RGS6: variants seen among roughly 807,000 people sequenced by gnomAD.
RGS6 encodes the protein regulator of G protein signaling 6, also known as regulator of G-protein signaling 6.
A neutral mutation model predicts 78.5 loss-of-function variants in RGS6; 30 were observed. The ratio of observed to expected loss-of-function variants is 0.38; its 90% CI spans 0.29 to 0.52. The LOEUF (loss-of-function observed/expected upper bound fraction) is 0.52, where lower values mean the gene tolerates loss of function less well. Ranked by LOEUF, RGS6 falls within the 20% of genes least tolerant of loss-of-function variation. The pLI is 0.85. For missense variants in RGS6, 495 were observed against 609.7 expected, an observed-to-expected ratio of 0.81 and a Z score of 1.98; for synonymous variants, 206 against 206.0, an observed-to-expected ratio of 1.00 and a Z score of 0.00.
chr14:72,011,887 G>A (rs1449397140), intron 2 of RGS6, among the ~76,000 whole-genome samples: 1 of 152,046 alleles, frequency 6.6e-6, no homozygotes, highest in Non-Finnish European at 1.5e-5. Flanking sequence ...CAGGGTTTGT[G>A]GATGATAGTC....
chr14:72,145,523 G>C (rs1181577825), intron 2 of RGS6, among the ~76,000 whole-genome samples: 1 of 152,196 alleles, frequency 6.6e-6, no homozygotes, highest in Non-Finnish European at 1.5e-5. Context: ...CTGTTGCCCA[G>C]GTTGGAGCGT....
chr14:72,130,021 G>A (rs1398464120), intron 2 of RGS6, among the ~76,000 whole-genome samples: 1 of 152,128 alleles, frequency 6.6e-6, no homozygotes, highest in African/African-American at 2.4e-5. Context: ...GCTGAAAGTG[G>A]AATATGCCCA....
chr14:72,010,009 C>G (rs2085355165), intron 2 of RGS6, among the ~76,000 whole-genome samples: 1 of 152,220 alleles, frequency 6.6e-6, no homozygotes, highest in South Asian at 2.1e-4. Flanking sequence ...AGCAGCCTGC[C>G]TTAACGTTGT....
intron 2 of RGS6, among the ~76,000 whole-genome samples, chr14:71,997,761 C>T (rs965565468): frequency 2.6e-5 from 4 of 152,188 alleles, no homozygotes; most frequent in East Asian, 1.9e-4. Flanking sequence ...AATAGCTTTA[C>T]TGTTCATAAA....
the RGS6 span, among the ~76,000 whole-genome samples, chr14:71,901,737 G>T: frequency 1.3e-5 from 2 of 152,122 alleles, no homozygotes; most frequent in Non-Finnish European, 1.5e-5. Context: ...TGACCACAGA[G>T]ACTGTTTATT....
At chr14:72,019,717 G>A (rs1045092178) in intron 2 of RGS6, among the ~76,000 whole-genome samples, 8 of 152,258 alleles carry the variant, frequency 5.3e-5, no homozygotes, top group African/African-American at 1.4e-4. Flanking sequence ...CAAGGCAGAC[G>A]GTAAAGGTGG....
At chr14:72,537,864 G>A (rs1406781484) in intron 16 of RGS6, among the ~76,000 whole-genome samples, 1 of 152,252 alleles carries the variant, frequency 6.6e-6, no homozygotes, top group East Asian at 1.9e-4. Flanking sequence ...CTCCTTGTGG[G>A]TTTGAACACA....
intron 14 of RGS6, among the ~76,000 whole-genome samples, chr14:72,514,219 A>G (rs781362467): frequency 2.0e-5 from 3 of 152,186 alleles, no homozygotes; most frequent in Non-Finnish European, 4.4e-5. Flanking sequence ...TCTGCTGCCT[A>G]CGTCTCTGGT....
At chr14:72,147,474 C>G (rs868268963) in intron 2 of RGS6, among the ~76,000 whole-genome samples, 1 of 152,132 alleles carries the variant, frequency 6.6e-6, no homozygotes, top group Non-Finnish European at 1.5e-5. Flanking sequence ...AAAAGAGGGC[C>G]GAACTCACTT....
At chr14:72,246,978 G>T (rs1050334082) in intron 2 of RGS6, among the ~76,000 whole-genome samples, 30 of 151,322 alleles carry the variant, frequency 2.0e-4, no homozygotes, top group African/African-American at 7.3e-4. Flanking sequence ...GATCCTCTCT[G>T]GCTGTCAGAT....
At chr14:72,408,653 T>G (rs8013717) in intron 3 of RGS6, among the ~76,000 whole-genome samples, 75,632 of 152,018 alleles carry the variant, frequency 0.5, 19,721 homozygotes, top group African/African-American at 0.65. Context: ...TCTTAGAGTA[T>G]ATATTGAATC....
intron 3 of RGS6, among the ~76,000 whole-genome samples, chr14:72,361,972 A>G (rs1265639508): frequency 1.3e-5 from 2 of 152,214 alleles, no homozygotes; most frequent in Non-Finnish European, 2.9e-5. Context: ...GGGAAGCAGG[A>G]CCACTGGGGA....
intron 2 of RGS6, among the ~76,000 whole-genome samples, chr14:72,011,998 G>T (rs1200260698): frequency 6.6e-6 from 1 of 152,040 alleles, no homozygotes; most frequent in African/African-American, 2.4e-5. Flanking sequence ...ATGTAATTTT[G>T]AAATAATTAA....
chr14:72,548,645 A>G (rs1381775934), intron 17 of RGS6, among the ~76,000 whole-genome samples: 1 of 152,136 alleles, frequency 6.6e-6, no homozygotes, highest in East Asian at 1.9e-4. Context: ...CAATTGAGAG[A>G]GAAGAGCTAG....
chr14:72,311,158 T>C (rs900746450), intron 2 of RGS6, among the ~76,000 whole-genome samples: 3 of 152,212 alleles, frequency 2.0e-5, no homozygotes, highest in Non-Finnish European at 4.4e-5. Flanking sequence ...CAAGCCTTGC[T>C]CAGAATCATC....
rs374782297 is a variant in RGS6, at chr14:72,547,905, G to T, written c.1422+7811G>T. 5.4e-4 allele frequency among the ~76,000 whole-genome samples: 82 copies of T among 152,226 alleles called. 3 individuals carry two copies. The South Asian group carries it at 0.017, about 32-fold the overall frequency. On this transcript the variant is annotated intron_variant, in intron 17 of 17. Coordinates refer to ENST00000553525, the MANE Select transcript of RGS6 (RefSeq NM_001204424.2). ...GGCGGTCTGGCTTACTGTTAAGAAG[G>T]GTAACCTTAAAAAATACATTTCCCA... is the stretch of plus-strand genomic sequence containing the variant.
At chr14:72,260,543 A>G (rs1393653070) in intron 2 of RGS6, among the ~76,000 whole-genome samples, 1 of 152,230 alleles carries the variant, frequency 6.6e-6, no homozygotes, top group Non-Finnish European at 1.5e-5. Flanking sequence ...ATCTCAGTGA[A>G]GAGCCTCATA....
chr14:72,317,851 T>C (rs2070751604), intron 2 of RGS6, among the ~76,000 whole-genome samples: 1 of 152,110 alleles, frequency 6.6e-6, no homozygotes, highest in African/African-American at 2.4e-5. Flanking sequence ...GGTTATTAAG[T>C]AGTATTAACT....
chr14:72,567,977 C>A (rs144807761), downstream of RGS6, among the ~76,000 whole-genome samples: 2 of 152,322 alleles, frequency 1.3e-5, no homozygotes, highest in East Asian at 3.9e-4. Context: ...GGAGCAGGGC[C>A]CCCTGGCCAA....
Sources: allele counts gnomAD v4.1 joint callset (sites outside exome capture counted in the v4.1 genomes callset), GRCh38; gene constraint gnomAD v4.1.1; transcripts MANE v1.5; gene names NCBI Gene and HGNC (gene_info 2026-07-23, HGNC 2026-07-21).